The following GAN variants were observed in gnomAD, a reference collection of about 807,000 sequenced individuals.
GAN encodes the protein gigaxonin, also known as epididymis secretory sperm binding protein.
In GAN, 48 loss-of-function variants were observed where a neutral mutation model predicts 71.3. That is an observed-to-expected ratio of 0.67 (90% CI 0.53 to 0.86). The LOEUF is 0.86. Ranked by LOEUF, GAN falls within the 40% of genes least tolerant of loss-of-function variation. The pLI is 0.00. For synonymous variants in GAN, 386 were observed against 276.8 expected (o/e 1.39, Z -3.92); for missense variants, 928 against 770.1 (o/e 1.21, Z -2.43).
At position 81,377,669 on chromosome 16, in the gene GAN, A is replaced by G. The variant is rs1904286607; in HGVS notation, c.*73A>G. On this transcript the variant is annotated 3_prime_UTR_variant, in exon 11 of 11. Coordinates refer to ENST00000648994, the MANE Select transcript of GAN (RefSeq NM_022041.4). Reference sequence around the variant, plus strand: ...CATAGCTCCGAAAGGGAGAGCAGAGATGGCAGCTGAAACTCACTCTGTGCT... The same window carrying G: ...CATAGCTCCGAAAGGGAGAGCAGAGGTGGCAGCTGAAACTCACTCTGTGCT... 1 of 1,333,598 alleles carries G rather than the reference A, an allele frequency of 7.5e-7. No homozygotes were observed. 82.6% of individuals were successfully genotyped at this position (1,333,598 alleles called of 1,614,324 possible).
chr16:81,318,517 A>T (rs561130959), intron 1 of GAN, among the ~76,000 whole-genome samples: 1 of 152,284 alleles, frequency 6.6e-6, no homozygotes, highest in East Asian at 1.9e-4. Flanking sequence ...AATCATGTAT[A>T]TAAAAAATAG....
At chr16:81,364,663 A>G (rs965486012) in intron 7 of GAN, among the ~76,000 whole-genome samples, 1 of 152,182 alleles carries the variant, frequency 6.6e-6, no homozygotes, top group South Asian at 2.1e-4. Context: ...CACTCCAGCC[A>G]AGGCAACTGA....
At chr16:81,318,866 A>C (rs1909131664) in intron 1 of GAN, among the ~76,000 whole-genome samples, 1 of 152,202 alleles carries the variant, frequency 6.6e-6, no homozygotes, top group African/African-American at 2.4e-5. Flanking sequence ...CCTAGGGTGC[A>C]GCTGCTCCAG....
intron 5 of GAN, 39 bp from the exon 6 acceptor site, chr16:81,362,460 A>C: frequency 9.8e-7 from 1 of 1,019,428 alleles, no homozygotes; most frequent in Non-Finnish European, 1.6e-6. Flanking sequence ...GGTGTTGAAG[A>C]CTCACATTTC....
chr16:81,354,875 C>A (rs898400060), intron 3 of GAN, 120 bp downstream of exon 3: 1 of 669,528 alleles, frequency 1.5e-6, no homozygotes, highest in Non-Finnish European at 2.6e-6. Flanking sequence ...CTAAAAGATA[C>A]CTGTAAAACA....
At position 81,388,990 on chromosome 16, in the gene GAN, G is replaced by T. The variant is rs1411950957; in HGVS notation, c.*11394G>T. On this transcript the variant is annotated 3_prime_UTR_variant, in exon 11 of 11. Coordinates refer to ENST00000648994, the MANE Select transcript of GAN (RefSeq NM_022041.4). ...TGTTTTATTTTAAAAAATCATGTAGGATCTGGTACATGGGGCGGGCAAAAG... is the reference window on the plus strand; with the variant it reads ...TGTTTTATTTTAAAAAATCATGTAGTATCTGGTACATGGGGCGGGCAAAAG... 6.6e-6 allele frequency: 1 copy of T among 152,166 alleles called. No homozygotes were observed. Among genetic ancestry groups the T allele is most frequent in the Non-Finnish European group, 1.5e-5 (1 of 68,040 alleles). The allele number at this position is 152,166 out of a possible 1,614,324, so 9.4% of individuals were successfully genotyped here.
chr16:81,323,937 G>A (rs1271948654), intron 1 of GAN, among the ~76,000 whole-genome samples: 2 of 152,110 alleles, frequency 1.3e-5, no homozygotes, highest in Non-Finnish European at 2.9e-5. Context: ...TCTCTGTGGG[G>A]CTGGAGAAGG....
At chr16:81,345,919 T>A (rs1381311473) in intron 1 of GAN, among the ~76,000 whole-genome samples, 1 of 152,232 alleles carries the variant, frequency 6.6e-6, no homozygotes, top group African/African-American at 2.4e-5. Context: ...ACAAGGAATG[T>A]GCAATCTGGA....
chr16:81,347,046 C>G (rs533485813), intron 1 of GAN, among the ~76,000 whole-genome samples: 8 of 152,280 alleles, frequency 5.3e-5, no homozygotes, highest in South Asian at 4.1e-4. Flanking sequence ...TCATGACATC[C>G]TAAGTGAAGA....
At chr16:81,372,150 C>G (rs550500996) in intron 9 of GAN, 1 of 152,192 alleles carries the variant, frequency 6.6e-6, no homozygotes, top group Non-Finnish European at 1.5e-5. Context: ...TATTTTAAAG[C>G]TTCAGACTCA....
chr16:81,343,705 C>T (rs561493040), intron 1 of GAN, among the ~76,000 whole-genome samples: 6 of 152,248 alleles, frequency 3.9e-5, no homozygotes, highest in African/African-American at 1.4e-4. Flanking sequence ...TGAAAACTGA[C>T]ACAAGACAAG....
chr16:81,334,827 C>A (rs186119271), intron 1 of GAN, among the ~76,000 whole-genome samples: 2 of 152,142 alleles, frequency 1.3e-5, no homozygotes, highest in Non-Finnish European at 2.9e-5. Flanking sequence ...TCACCAACAT[C>A]GCAATATTAA....
At position 81,374,021 on chromosome 16, in the gene GAN, G is replaced by A. The variant is rs904546733; in HGVS notation, c.1503-3198G>A. Among the ~76,000 whole-genome samples, 4 of 152,312 alleles carry A rather than the reference G, an allele frequency of 2.6e-5. No homozygotes were observed. The South Asian group carries it at 6.2e-4, about 24-fold the overall frequency. ...CTCCTAAAGTGCTGGGATTACAGGC[G>A]TGAGCCACTGCACTCAGCAGGTGGT... On this transcript the variant is annotated intron_variant, in intron 9 of 10. Transcript: ENST00000648994.
intron 1 of GAN, among the ~76,000 whole-genome samples, chr16:81,320,147 T>C (rs1909178895): frequency 6.6e-6 from 1 of 152,234 alleles, no homozygotes; most frequent in South Asian, 2.1e-4. Context: ...TGTTTTGCCA[T>C]TTAAATATAA....
At chr16:81,315,547 C>T (rs570772679) in intron 1 of GAN, among the ~76,000 whole-genome samples, 2 of 152,174 alleles carry the variant, frequency 1.3e-5, no homozygotes, top group South Asian at 4.1e-4. Flanking sequence ...GGGCCGCGAT[C>T]CCCCGCCTTG....
At position 81,378,053 on chromosome 16, in the gene GAN, A is replaced by G. The variant is rs992412074; in HGVS notation, c.*457A>G. 1.7e-5 allele frequency: 4 copies of G among 233,106 alleles called. No homozygotes were observed. Among genetic ancestry groups the G allele is most frequent in the Admixed American group, 1.0e-4 (2 of 19,588 alleles). 14.4% of individuals were successfully genotyped at this position (233,106 alleles called of 1,614,324 possible). On this transcript the variant is annotated 3_prime_UTR_variant, in exon 11 of 11. Coordinates refer to ENST00000648994, the MANE Select transcript of GAN (RefSeq NM_022041.4). ...CTGCTTTTCCACTGCACTTGGAAGG[A>G]TATATTATGCCTAACCCTGCCCAAC...
At position 81,365,360 on chromosome 16, in the gene GAN, G is replaced by A. The variant is rs199870222; in HGVS notation, c.1384G>A (p.Val462Met). Reference protein sequence around the residue: ...CPLKERRFGAVACGVAMELYV... With the variant: ...CPLKERRFGAMACGVAMELYV... ...TGTGTGGCCTTTCAGGTTTGGAGCG[G>A]TGGCCTGTGGAGTTGCTATGGAGCT... The change falls in exon 9 of 11, where the codon GTG (valine) becomes ATG (methionine). Residue 462 changes from valine to methionine, a missense_variant. Val to Met is a conservative substitution (Grantham distance 21). Coordinates refer to ENST00000648994, the MANE Select transcript of GAN (RefSeq NM_022041.4). The A allele has an allele frequency of 1.3e-5, 21 of 1,613,894 alleles. No individual in the cohort carries two copies. The highest frequency in any genetic ancestry group is 1.8e-5 in the Non-Finnish European group (21 of 1,179,984).
In GAN at chr16:81,377,830, A is replaced by C; in HGVS notation, c.*234A>C. 1.7e-6 allele frequency: 1 copy of C among 577,966 alleles called. No individual in the cohort carries two copies. The highest frequency in any genetic ancestry group is 2.9e-5 in the East Asian group (1 of 34,224). The allele number at this position is 577,966 out of a possible 1,614,324, so 35.8% of individuals were successfully genotyped here. A position where few individuals can be genotyped will look rare whatever the true frequency, so the allele number is the denominator to read the frequency against. ...TTCCTCCAGTTAAATGTGGCTGTAGATGTTGGAGGCTAGGGAGGCTAGTAA... is the reference window on the plus strand; with the variant it reads ...TTCCTCCAGTTAAATGTGGCTGTAGCTGTTGGAGGCTAGGGAGGCTAGTAA... On this transcript the variant is annotated 3_prime_UTR_variant, in exon 11 of 11. Transcript: ENST00000648994.
chr16:81,374,728 T>C (rs1159679879), intron 9 of GAN, among the ~76,000 whole-genome samples: 1 of 152,214 alleles, frequency 6.6e-6, no homozygotes, highest in Non-Finnish European at 1.5e-5. Flanking sequence ...GCACTTCCTA[T>C]CTGGCACGAC....
Sources: allele counts gnomAD v4.1 joint callset (sites outside exome capture counted in the v4.1 genomes callset), GRCh38; gene constraint gnomAD v4.1.1; transcripts MANE v1.5; gene names NCBI Gene and HGNC (gene_info 2026-07-23, HGNC 2026-07-21).